Variants in BLOC1S5 observed in about 807,000 individuals in gnomAD.
The protein encoded by BLOC1S5 is biogenesis of lysosomal organelles complex 1 subunit 5, also known as biogenesis of lysosome-related organelles complex 1 subunit 5.
In BLOC1S5, 27 loss-of-function variants were observed where a neutral mutation model predicts 24.3. The ratio of observed to expected loss-of-function variants is 1.11; its 90% CI spans 0.82 to 1.53. The LOEUF (loss-of-function observed/expected upper bound fraction) is 1.53, where lower values mean the gene tolerates loss of function less well. Ranked by LOEUF, BLOC1S5 falls within the 40% of genes most tolerant of loss-of-function variation. The pLI, the probability that BLOC1S5 is intolerant of heterozygous loss-of-function variation, is 0.00. For synonymous variants in BLOC1S5, 84 were observed against 74.5 expected (o/e 1.13, Z -0.66); for missense variants, 239 against 229.4 (o/e 1.04, Z -0.27).
intron 4 of BLOC1S5, among the ~76,000 whole-genome samples, chr6:8,024,062 T>C (rs1763022730): frequency 6.6e-6 from 1 of 152,202 alleles, no homozygotes; most frequent in South Asian, 2.1e-4. Flanking sequence ...TTAAATTATC[T>C]TCAGAAAAGA....
At chr6:8,033,442 T>C (rs1464771107) in intron 3 of BLOC1S5, among the ~76,000 whole-genome samples, 1 of 152,214 alleles carries the variant, frequency 6.6e-6, no homozygotes, top group Non-Finnish European at 1.5e-5. Context: ...AAGCTGAAAC[T>C]GGATCCCTTC....
chr6:8,031,608 G>A (rs1561859346), intron 3 of BLOC1S5, among the ~76,000 whole-genome samples: 1 of 151,152 alleles, frequency 6.6e-6, no homozygotes, highest in East Asian at 1.9e-4. Flanking sequence ...CACAGCACTA[G>A]AAAAAAAAAT....
In BLOC1S5 at chr6:8,062,580, C is replaced by A; in HGVS notation, c.149G>T (p.Arg50Ile). ...ACGAGTTTCACCTTGAATAACTGGT[C>A]TGTGATCCAAAAGCCTTGAATGAAT... ...GEIHSRLLDHRPVIQGETRYF... is the reference protein window; with the variant it reads ...GEIHSRLLDHIPVIQGETRYF... The change falls in exon 2 of 5, where the codon AGA becomes ATA. Residue 50 changes from arginine (R) to isoleucine (I), a missense_variant. Coordinates refer to ENST00000397457, the MANE Select transcript of BLOC1S5 (RefSeq NM_201280.3). The A allele has an allele frequency of 6.2e-7, 1 of 1,603,612 alleles. No homozygotes were observed. The highest frequency in any genetic ancestry group is 1.1e-5 in the South Asian group (1 of 89,534).
chr6:8,047,339 C>T (rs1242323593), intron 2 of BLOC1S5, among the ~76,000 whole-genome samples: 1 of 152,016 alleles, frequency 6.6e-6, no homozygotes, highest in Non-Finnish European at 1.5e-5. Context: ...TTCCAAGTAG[C>T]TGGGGCTACA....
At chr6:8,047,369 G>C (rs1445281181) in intron 2 of BLOC1S5, among the ~76,000 whole-genome samples, 1 of 151,806 alleles carries the variant, frequency 6.6e-6, no homozygotes, top group Non-Finnish European at 1.5e-5. Context: ...TATGACACTT[G>C]GCTAATTTTT....
intron 3 of BLOC1S5, among the ~76,000 whole-genome samples, chr6:8,031,653 A>G (rs1242869736): frequency 6.6e-6 from 1 of 152,222 alleles, no homozygotes; most frequent in Non-Finnish European, 1.5e-5. Flanking sequence ...AAGAGCCCAC[A>G]TAGCCAAAGC....
rs554771561 is a variant in BLOC1S5 at position 8,018,243 on chromosome 6, T to G, written c.385-2415A>C. On this transcript the variant is annotated intron_variant, in intron 4 of 4. Transcript: ENST00000397457. ...ACTCTCCAAAAGATGCATGAAGAGT[T>G]TATTAAATCTTCTGATGGAACTTTT... is the stretch of plus-strand genomic sequence containing the variant. 2.6e-5 allele frequency among the ~76,000 whole-genome samples: 4 copies of G among 152,350 alleles called. No homozygotes were observed. The East Asian group carries it at 7.7e-4, about 29-fold the overall frequency.
chr6:8,053,448 C>T (rs1764201517), intron 2 of BLOC1S5, among the ~76,000 whole-genome samples: 1 of 152,202 alleles, frequency 6.6e-6, no homozygotes, highest in Non-Finnish European at 1.5e-5. Context: ...AAATAAGATT[C>T]TCCATTAGCA....
At chr6:8,043,546 A>T (rs1763766055) in intron 2 of BLOC1S5, among the ~76,000 whole-genome samples, 2 of 152,202 alleles carry the variant, frequency 1.3e-5, no homozygotes, top group Non-Finnish European at 2.9e-5. Context: ...GGAAAGGCGG[A>T]GGAACTGTCA....
intron 3 of BLOC1S5, 84 bp from the exon 4 acceptor site, chr6:8,026,509 T>A (rs535026703): frequency 9.2e-7 from 1 of 1,092,362 alleles, no homozygotes; most frequent in East Asian, 2.4e-5. Flanking sequence ...GTGTGGAGAG[T>A]ACATGAATTG....
chr6:8,051,088 T>C (rs1430440233), intron 2 of BLOC1S5, among the ~76,000 whole-genome samples: 4 of 151,446 alleles, frequency 2.6e-5, no homozygotes, highest in African/African-American at 9.7e-5. Flanking sequence ...CTCAGGAGGC[T>C]GAGGCAGGAG....
At chr6:8,051,223 A>G (rs1473151212) in intron 2 of BLOC1S5, among the ~76,000 whole-genome samples, 3 of 152,106 alleles carry the variant, frequency 2.0e-5, no homozygotes, top group East Asian at 3.9e-4. Context: ...CACACGAATG[A>G]TAAGAAAGTG....
At chr6:8,048,045 T>C (rs779307254) in intron 2 of BLOC1S5, among the ~76,000 whole-genome samples, 18 of 152,260 alleles carry the variant, frequency 1.2e-4, no homozygotes, top group Non-Finnish European at 2.6e-4. Flanking sequence ...TGTTTGTTTG[T>C]ACATATCCCT....
In BLOC1S5 at chr6:8,040,078, A is replaced by G. The variant is rs534021801; in HGVS notation, c.325+1061T>C. 9.2e-5 allele frequency among the ~76,000 whole-genome samples: 14 copies of G among 152,330 alleles called. No individual in the cohort carries two copies. In the East Asian group the frequency reaches 2.7e-3, roughly 29 times the overall value. ...CAAGAAAAAGTGATAATCCAGGAATAAAGGCAGACTTTTCTTACTACCTTT... is the reference window on the plus strand; with the variant it reads ...CAAGAAAAAGTGATAATCCAGGAATGAAGGCAGACTTTTCTTACTACCTTT... On this transcript the variant is annotated intron_variant, in intron 3 of 4. Transcript: ENST00000397457.
intron 2 of BLOC1S5, among the ~76,000 whole-genome samples, chr6:8,048,834 G>A (rs1763998880): frequency 6.6e-6 from 1 of 151,288 alleles, no homozygotes; most frequent in African/African-American, 2.4e-5. Flanking sequence ...CCAACATGGT[G>A]AAACCCCATC....
chr6:8,041,865 C>T (rs912773758), intron 2 of BLOC1S5: 1 of 151,416 alleles, frequency 6.6e-6, no homozygotes, highest in Middle Eastern at 3.4e-3. Context: ...CCAGGATGGT[C>T]TCTATCTCCT....
chr6:8,017,373 G>A (rs776853429), intron 4 of BLOC1S5, among the ~76,000 whole-genome samples: 48 of 118,444 alleles, frequency 4.1e-4, no homozygotes, highest in Non-Finnish European at 6.8e-4. Flanking sequence ...GCGAGACTCC[G>A]TCTCAAAAAC....
chr6:8,050,865 A>C (rs1053247663), intron 2 of BLOC1S5, among the ~76,000 whole-genome samples: 1 of 151,750 alleles, frequency 6.6e-6, no homozygotes, highest in Admixed American at 6.6e-5. Flanking sequence ...TCGGCCTCCC[A>C]AAGTGCTGGG....
chr6:8,019,782 T>C (rs1581393134), intron 4 of BLOC1S5, among the ~76,000 whole-genome samples: 1 of 152,222 alleles, frequency 6.6e-6, no homozygotes, highest in Non-Finnish European at 1.5e-5. Context: ...ATACTGCACA[T>C]GAAAAGCCCT....
Sources: allele counts gnomAD v4.1 joint callset (sites outside exome capture counted in the v4.1 genomes callset), GRCh38; gene constraint gnomAD v4.1.1; transcripts MANE v1.5; gene names NCBI Gene and HGNC (gene_info 2026-07-23, HGNC 2026-07-21).